Variants in CDK5RAP1 observed in about 807,000 individuals in gnomAD.
The protein encoded by CDK5RAP1 is CDK5RAP1 mitochondrial tRNA methylthiotransferase.
A neutral mutation model predicts 64.5 loss-of-function variants in CDK5RAP1; 62 were observed. That is an observed-to-expected ratio of 0.96 (90% CI 0.78 to 1.19). CDK5RAP1 has a LOEUF of 1.19. CDK5RAP1 is among the 50% of genes most tolerant of loss of function. CDK5RAP1 has a pLI of 0.00. For missense variants in CDK5RAP1, 657 were observed against 735.0 expected, an observed-to-expected ratio of 0.89 and a Z score of 1.23; for synonymous variants, 250 against 261.9, an observed-to-expected ratio of 0.95 and a Z score of 0.44.
At chr20:33,366,473 A>G (rs1318044535) in intron 12 of CDK5RAP1, among the ~76,000 whole-genome samples, 1 of 150,552 alleles carries the variant, frequency 6.6e-6, no homozygotes, top group Non-Finnish European at 1.5e-5. Flanking sequence ...TTAGCCAGGC[A>G]TGGTGACACA....
intron 7 of CDK5RAP1, among the ~76,000 whole-genome samples, chr20:33,383,683 G>A (rs1200763553): frequency 6.7e-6 from 1 of 149,878 alleles, no homozygotes; most frequent in South Asian, 2.1e-4. Context: ...GGAGGTTGTG[G>A]TGAGCCGAGA....
Position 33,370,381 on chromosome 20 carries a change from A to T in CDK5RAP1, c.1392+118T>A, listed in dbSNP as rs933424620. The T allele has an allele frequency of 4.0e-6, 4 of 991,548 alleles. No homozygotes were observed. The African/African-American group carries it at 6.5e-5, about 16-fold the overall frequency. 61.4% of individuals were successfully genotyped at this position (991,548 alleles called of 1,614,324 possible). A position where few individuals can be genotyped will look rare whatever the true frequency, so the allele number is the denominator to read the frequency against. On this transcript the variant is annotated intron_variant, in intron 11 of 13. Coordinates refer to ENST00000346416, the MANE Select transcript of CDK5RAP1 (RefSeq NM_016408.4). ...AAAATGAACGGAAGTGAATCGTAAG[A>T]GCCTGTGGTTTCTCAAGGACTGCCT...
chr20:33,388,617 C>T (rs1987807376), intron 5 of CDK5RAP1, among the ~76,000 whole-genome samples: 1 of 145,084 alleles, frequency 6.9e-6, no homozygotes, highest in Non-Finnish European at 1.5e-5. Context: ...GTCTCCGTCT[C>T]CCTCTCTTTC....
chr20:33,398,789 A>G (rs980023064), intron 1 of CDK5RAP1, among the ~76,000 whole-genome samples: 22 of 152,092 alleles, frequency 1.4e-4, no homozygotes, highest in Non-Finnish European at 8.8e-5. Context: ...AGCCGAGCAC[A>G]GTGATGCACA....
chr20:33,383,863 G>C (rs958244962), intron 7 of CDK5RAP1, among the ~76,000 whole-genome samples: 4 of 151,092 alleles, frequency 2.6e-5, no homozygotes, highest in African/African-American at 9.7e-5. Flanking sequence ...AGTGAGCCGA[G>C]ATCATACCAC....
chr20:33,382,720 C>T (rs1600761539), intron 7 of CDK5RAP1, among the ~76,000 whole-genome samples: 1 of 151,954 alleles, frequency 6.6e-6, no homozygotes, highest in East Asian at 1.9e-4. Flanking sequence ...TATTCTTTAG[C>T]AGCACATGGT....
chr20:33,396,649 C>T, intron 2 of CDK5RAP1, 112 bp downstream of exon 2: 4 of 795,374 alleles, frequency 5.0e-6, no homozygotes, highest in Non-Finnish European at 6.3e-6. Flanking sequence ...ATTCCCACAG[C>T]CTTCCCACAC....
intron 5 of CDK5RAP1, among the ~76,000 whole-genome samples, chr20:33,389,421 C>T (rs1261636628): frequency 1.9e-4 from 29 of 151,474 alleles, no homozygotes; most frequent in African/African-American, 6.1e-4. Context: ...GGAGCCCCTC[C>T]GCCCGGCAGC....
intron 9 of CDK5RAP1, chr20:33,373,149 C>CGTGTGTGTGTGTGTGTGTGTGTGT (rs148856565): frequency 2.1e-5 from 3 of 139,838 alleles, no homozygotes; most frequent in African/African-American, 8.3e-5. Flanking sequence ...CCATGTTGCC[C>CGTGTGTGTGTGTGTGTGTGTGTGT]GTGTGTGTGT....
In CDK5RAP1 at chr20:33,374,142, C is replaced by G. The variant is rs1481662253; in HGVS notation, c.1178G>C (p.Ser393Thr). ...QIHLPAQSGS[S>T]RVLEAMRRGY... ...CCTCCGCATGGCCTCCAACACACGG[C>G]TGCTTCCACTCTGGGCTGGCAGGTG... Residue 393 changes from serine to threonine, a missense_variant, in exon 9 of 14, where the codon AGC becomes ACC. By Grantham distance (58) the Ser-to-Thr change is moderately conservative. Transcript: ENST00000346416. The G allele has an allele frequency of 9.9e-6, 16 of 1,613,980 alleles. No individual in the cohort carries two copies. Among genetic ancestry groups the G allele is most frequent in the Non-Finnish European group, 1.4e-5 (16 of 1,179,806 alleles).
At chr20:33,361,444 G>A (rs1982898455) in intron 12 of CDK5RAP1, among the ~76,000 whole-genome samples, 1 of 152,116 alleles carries the variant, frequency 6.6e-6, no homozygotes, top group African/African-American at 2.4e-5. Context: ...CATGAAGTCA[G>A]GCAAAGAGAG....
intron 4 of CDK5RAP1, among the ~76,000 whole-genome samples, chr20:33,393,289 C>T (rs1363215246): frequency 6.6e-6 from 1 of 152,082 alleles, no homozygotes; most frequent in Non-Finnish European, 1.5e-5. Context: ...GATCCTCCCA[C>T]CTCGGACTCC....
chr20:33,396,915 T>G lies in CDK5RAP1; in HGVS notation c.150A>C (p.Gly50=), dbSNP rs776613848. Residue 50 remains glycine (G), a synonymous_variant, in exon 2 of 14, where the codon GGA becomes GGC. Transcript: ENST00000346416. ...MCPSPERQED[G]ARKDFSSRLA... Reference sequence around the variant, plus strand: ...GCCTGGAGCTGAAATCCTTCCGAGCTCCATCCTCCTGCCTCTCTGGACTGG... The same window carrying G: ...GCCTGGAGCTGAAATCCTTCCGAGCGCCATCCTCCTGCCTCTCTGGACTGG... The G allele has an allele frequency of 1.2e-6, 2 of 1,614,138 alleles. No homozygotes were observed. Among genetic ancestry groups the G allele is most frequent in the East Asian group, 2.2e-5 (1 of 44,872 alleles).
chr20:33,381,218 A>AC, intron 7 of CDK5RAP1, among the ~76,000 whole-genome samples: 1 of 151,628 alleles, frequency 6.6e-6, no homozygotes, highest in East Asian at 1.9e-4. Context: ...ATATGACTAC[A>AC]TTTTTTTTAA....
intron 11 of CDK5RAP1, among the ~76,000 whole-genome samples, chr20:33,369,440 G>A (rs953652979): frequency 3.3e-5 from 5 of 151,680 alleles, no homozygotes; most frequent in South Asian, 2.1e-4. Flanking sequence ...TCGAGATTGC[G>A]CAACTGCACT....
Position 33,367,026 on chromosome 20 carries a change from A to G in CDK5RAP1, c.1393-18T>C, listed in dbSNP as rs200403569. 5,176 of 1,590,772 alleles carry G rather than the reference A, an allele frequency of 3.3e-3. 7 individuals carry two copies. Among genetic ancestry groups the G allele is most frequent in the Non-Finnish European group, 3.9e-3 (4,580 of 1,171,134 alleles). On this transcript the variant is annotated intron_variant, in intron 11 of 13. Transcript: ENST00000346416. ...CGTGTCTTCTATTAAAAAAAAAAAA[A>G]AGAGAGAAGATGGAGGTCACCAAGG...
At chr20:33,398,211 G>C (rs1989076814) in intron 1 of CDK5RAP1, among the ~76,000 whole-genome samples, 1 of 152,160 alleles carries the variant, frequency 6.6e-6, no homozygotes, top group African/African-American at 2.4e-5. Flanking sequence ...AAGACATTCA[G>C]TCTAGGCACA....
chr20:33,382,600 G>A (rs1986896048), intron 7 of CDK5RAP1, among the ~76,000 whole-genome samples: 1 of 152,206 alleles, frequency 6.6e-6, no homozygotes, highest in African/African-American at 2.4e-5. Context: ...AGAATCACAT[G>A]AACCCAGGAG....
intron 7 of CDK5RAP1, 138 bp downstream of exon 7, chr20:33,385,512 A>G (rs1390678846): frequency 3.3e-6 from 3 of 920,110 alleles, no homozygotes; most frequent in Non-Finnish European, 5.0e-6. Context: ...CCAATGATGT[A>G]CACAAAAGTA....
Sources: gnomAD v4.1 joint callset for allele counts (sites outside exome capture counted in the v4.1 genomes callset) on GRCh38, gnomAD v4.1.1 for gene constraint, MANE v1.5 for transcripts, NCBI Gene and HGNC (gene_info 2026-07-23, HGNC 2026-07-21) for gene names.